CARD9: variants seen among roughly 807,000 people sequenced by gnomAD.
CARD9 encodes caspase recruitment domain-containing protein 9.
A neutral mutation model predicts 66.0 loss-of-function variants in CARD9; 53 were observed. The observed-to-expected ratio is 0.80, with a 90% CI of 0.64 to 1.01. The LOEUF is 1.01. Ranked by LOEUF, CARD9 falls within the 50% of genes least tolerant of loss-of-function variation. CARD9 has a pLI of 0.00. For missense variants in CARD9, 769 were observed against 743.2 expected, an observed-to-expected ratio of 1.03 and a Z score of -0.40; for synonymous variants, 387 against 313.8, an observed-to-expected ratio of 1.23 and a Z score of -2.47.
chr9:136,367,997 C>T (rs1335440108), intron 7 of CARD9, 169 bp from the exon 8 acceptor site: 7 of 1,421,770 alleles, frequency 4.9e-6, no homozygotes, highest in Non-Finnish European at 5.5e-6. Context: ...GAAGTCAGCA[C>T]GTGGGGGATT....
At position 136,367,716 on chromosome 9, in the gene CARD9, A is replaced by C; in HGVS notation, c.1190T>G (p.Leu397Arg). 6.2e-7 allele frequency: 1 copy of C among 1,604,774 alleles called. No individual in the cohort carries two copies. The highest frequency in any genetic ancestry group is 8.5e-7 in the Non-Finnish European group (1 of 1,179,286). Residue 397 changes from leucine (L) to arginine (R), a missense_variant, in exon 8 of 13, where the codon CTG (leucine) becomes CGG (arginine). Leu to Arg is a moderately radical substitution (Grantham distance 102). Coordinates refer to ENST00000371732, the MANE Select transcript of CARD9 (RefSeq NM_052813.5). ...ELGEKADELQ[L>R]QVFQCEAQLL... ...CTGCGCCTCACACTGGAACACCTGCAGCTGCAGCTCATCCGCCTTCTCGCC... is the reference window on the plus strand; with the variant it reads ...CTGCGCCTCACACTGGAACACCTGCCGCTGCAGCTCATCCGCCTTCTCGCC...
intron 1 of CARD9, 144 bp from the exon 2 acceptor site, chr9:136,372,238 C>A: frequency 8.6e-7 from 1 of 1,169,488 alleles, no homozygotes; most frequent in Non-Finnish European, 1.2e-6. Flanking sequence ...GAGAGGTGCC[C>A]AGCTCCATGT....
rs540126225 is a variant in CARD9, at chr9:136,370,134, C to T, written c.951+160G>A. ...GCCTTTGCCATGGGGGGCAGGCGGGCAAGGAGAGGGCACCGTCCACTGTGC... is the reference window on the plus strand; with the variant it reads ...GCCTTTGCCATGGGGGGCAGGCGGGTAAGGAGAGGGCACCGTCCACTGTGC... On this transcript the variant is annotated intron_variant, in intron 6 of 12. Coordinates refer to ENST00000371732, the MANE Select transcript of CARD9 (RefSeq NM_052813.5). 165 of 1,439,896 alleles carry T rather than the reference C, an allele frequency of 1.1e-4. No homozygotes were observed. In the African/African-American group the frequency reaches 2.2e-3, roughly 19 times the overall value. 89.2% of individuals were successfully genotyped at this position (1,439,896 alleles called of 1,614,324 possible).
At position 136,364,143 on chromosome 9, in the gene CARD9, GC is replaced by G; in HGVS notation, c.*158del. 6.4e-7 allele frequency: 1 copy of G among 1,550,552 alleles called. No homozygotes were observed. Among genetic ancestry groups the G allele is most frequent in the Non-Finnish European group, 8.7e-7 (1 of 1,146,878 alleles). On this transcript the variant is annotated 3_prime_UTR_variant, in exon 13 of 13. Coordinates refer to ENST00000371732, the MANE Select transcript of CARD9 (RefSeq NM_052813.5). ...GTGCCGCTTAACAAACGGCCCCAAT[GC>G]CCGGCAGTCCGGCTGGGCCTTTCAG...
rs914754084 is a variant in CARD9 at position 136,370,305 on chromosome 9, G to T, written c.940C>A (p.Arg314=). 6.2e-7 allele frequency: 1 copy of T among 1,604,474 alleles called. No individual in the cohort carries two copies. Among genetic ancestry groups the T allele is most frequent in the Admixed American group, 1.7e-5 (1 of 59,816 alleles). The stretch of plus-strand genomic sequence containing the variant: ...GCCTGCCCTCCTACCCGGAGGCGTC[G>T]GGCCTCGCCCTGGCGGAGGTCCTTG... The part of the protein sequence containing the change: ...LRKDLRQGEA[R]RLRCMEEKEM... The change falls in exon 6 of 13, where the codon CGA becomes AGA. Residue 314 remains arginine, a synonymous_variant. Transcript: ENST00000371732.
At chr9:136,368,016 G>C in intron 7 of CARD9, 188 bp from the exon 8 acceptor site, 1 of 1,418,954 alleles carries the variant, frequency 7.0e-7, no homozygotes, top group Non-Finnish European at 9.2e-7. Flanking sequence ...TTGTAAATGT[G>C]ACAGTTGTCC....
At chr9:136,366,175 G>C in intron 10 of CARD9, 1 of 158,308 alleles carries the variant, frequency 6.3e-6, no homozygotes, top group Non-Finnish European at 1.4e-5. Flanking sequence ...CATCACCACT[G>C]CCCACTCCTG....
chr9:136,371,601 T>C, intron 2 of CARD9, 140 bp from the exon 3 acceptor site: 1 of 1,362,794 alleles, frequency 7.3e-7, no homozygotes, highest in Non-Finnish European at 9.9e-7. Context: ...TGAGGTACCC[T>C]GCGGGTCTTG....
intron 2 of CARD9, 29 bp from the exon 3 acceptor site, chr9:136,371,490 C>T (rs1398557708): frequency 8.0e-5 from 51 of 639,110 alleles, no homozygotes; most frequent in South Asian, 1.7e-4. Flanking sequence ...TAACTGGGGG[C>T]GGGGCACAGG....
chr9:136,365,679 G>A (rs755925856), intron 10 of CARD9: 4 of 181,300 alleles, frequency 2.2e-5, no homozygotes, highest in South Asian at 9.3e-5. Context: ...ACCTTCAGGC[G>A]GCTGGACCCC....
intron 5 of CARD9, 23 bp from the exon 6 acceptor site, chr9:136,370,460 G>T: frequency 6.2e-7 from 1 of 1,606,536 alleles, no homozygotes; most frequent in East Asian, 2.2e-5. Flanking sequence ...AAAGGCAATG[G>T]CCTGGCTGGG....
chr9:136,370,104 G>T, intron 6 of CARD9, 190 bp downstream of exon 6: 1 of 1,403,626 alleles, frequency 7.1e-7, no homozygotes, highest in Non-Finnish European at 9.5e-7. Context: ...TGAGCCCAGA[G>T]GTTGGCCTTT....
chr9:136,372,233 G>A, intron 1 of CARD9, 139 bp from the exon 2 acceptor site: 1 of 1,213,132 alleles, frequency 8.2e-7, no homozygotes, highest in Non-Finnish European at 1.2e-6. Flanking sequence ...TCCAGGAGAG[G>A]TGCCCAGCTC....
In CARD9 at chr9:136,373,584, C is replaced by T. The variant is rs927813270; in HGVS notation, c.-69G>A. ...CTGCAGACACACCAGGAGCCTGGGC[C>T]GCGGAGCCTCTGGGAGATGCTGCCC... On this transcript the variant is annotated 5_prime_UTR_variant, in exon 1 of 13. Transcript: ENST00000371732. The T allele has an allele frequency of 3.6e-5, 35 of 984,664 alleles. No homozygotes were observed. The South Asian group carries it at 5.6e-4, about 16-fold the overall frequency. The allele number at this position is 984,664 out of a possible 1,614,324, so 61.0% of individuals were successfully genotyped here.
At chr9:136,366,890 G>C in intron 9 of CARD9, 45 bp from the exon 10 acceptor site, 1 of 1,608,130 alleles carries the variant, frequency 6.2e-7, no homozygotes, top group Non-Finnish European at 8.5e-7. Flanking sequence ...CTTCGCCAAG[G>C]ACTGGACCCG....
intron 8 of CARD9, 77 bp from the exon 9 acceptor site, chr9:136,367,334 G>A: frequency 3.3e-6 from 5 of 1,514,948 alleles, no homozygotes; most frequent in Middle Eastern, 1.8e-4. Context: ...AGGGCACAGA[G>A]CGGGATCCTC....
At chr9:136,370,745 AC>A (rs1833245546) in intron 4 of CARD9, 44 bp from the exon 5 acceptor site, 1 of 1,611,674 alleles carries the variant, frequency 6.2e-7, no homozygotes, top group South Asian at 1.1e-5. Flanking sequence ...CCAGGCGGTG[AC>A]CGCAGACCCG....
intron 10 of CARD9, 86 bp downstream of exon 10, chr9:136,366,714 A>G (rs1833132662): frequency 1.4e-6 from 2 of 1,431,046 alleles, no homozygotes; most frequent in African/African-American, 2.8e-5. Context: ...TGACACAGGC[A>G]TTGCGGCACG....
At chr9:136,371,528 C>CT in intron 2 of CARD9, 67 bp from the exon 3 acceptor site, 6 of 690,198 alleles carry the variant, frequency 8.7e-6, no homozygotes, top group Admixed American at 7.1e-5. Flanking sequence ...GTGGGTGGGC[C>CT]TGGGGGCAGG....
Sources: allele counts gnomAD v4.1 joint callset, GRCh38; gene constraint gnomAD v4.1.1; transcripts MANE v1.5; gene names NCBI Gene and HGNC (gene_info 2026-07-23, HGNC 2026-07-21).